Variants in USP11 observed in about 807,000 individuals in gnomAD.
USP11 encodes ubiquitin specific peptidase 11, also known as ubiquitin carboxyl-terminal hydrolase 11.
Under a neutral mutation model 72.8 loss-of-function variants are expected in USP11, and 5 were observed. That is an observed-to-expected ratio of 0.07 (90% CI 0.04 to 0.14). The LOEUF (loss-of-function observed/expected upper bound fraction) is 0.14. Among genes scored for constraint, USP11 ranks in the 10% least tolerant of loss-of-function variants. The pLI is 1.00. For missense variants in USP11, 480 were observed against 794.7 expected (o/e 0.60, Z 4.76); for synonymous variants, 368 against 326.5 (o/e 1.13, Z -1.37).
chrX:47,240,503 T>G, intron 5 of USP11, 53 bp downstream of exon 5: 1 of 1,210,257 alleles, frequency 8.3e-7, no homozygotes, highest in Non-Finnish European at 1.1e-6. Context: ...TAGACTCACC[T>G]GGCAGTACTC....
rs1246517371 is a variant in USP11, at chrX:47,241,269, C to G, written c.847-8C>G. Reference sequence around the variant, plus strand: ...CTGCCTCATTCACCTGGTCTCTGGCCTCTGCAGTGCCTCAGCAATGTGCCA... The same window carrying G: ...CTGCCTCATTCACCTGGTCTCTGGCGTCTGCAGTGCCTCAGCAATGTGCCA... On this transcript the variant is annotated splice_region_variant and splice_polypyrimidine_tract_variant and intron_variant, in intron 7 of 20. Transcript: ENST00000377107. 8.3e-7 allele frequency: 1 copy of G among 1,198,656 alleles called. No homozygotes were observed. Among genetic ancestry groups the G allele is most frequent in the Non-Finnish European group, 1.1e-6 (1 of 889,091 alleles).
chrX:47,244,684 G>A lies in USP11; in HGVS notation c.1846G>A (p.Asp616Asn), dbSNP rs771583694. The A allele has an allele frequency of 1.6e-5, 19 of 1,205,342 alleles. No homozygotes were observed. The African/African-American group carries it at 3.0e-4, about 19-fold the overall frequency. The change falls in exon 15 of 21, where the codon GAT becomes AAT. Residue 616 changes from aspartate to asparagine, a missense_variant and splice_region_variant. Asp to Asn is a conservative substitution (Grantham distance 23, BLOSUM62 1). Around this residue, in one of 5 missense-constraint regions of USP11, gnomAD observed 314 missense variants for 556.0 expected, o/e 0.56. Transcript: ENST00000377107. Reference protein sequence around the residue: ...DDEDDGDEKEDDEEDKDDVPG... With the variant: ...DDEDDGDEKENDEEDKDDVPG... The stretch of plus-strand genomic sequence containing the variant: ...TCTCTGACATCCTCCTGTCCTAGAA[G>A]ATGACGAGGAGGATAAAGATGACGT...
intron 12 of USP11, 93 bp from the exon 13 acceptor site, chrX:47,243,303 A>G (rs985696033): frequency 5.9e-6 from 5 of 841,846 alleles, no homozygotes; most frequent in Non-Finnish European, 8.4e-6. Flanking sequence ...AAATGCCTTC[A>G]GGCTGTGAGG....
rs777801380 is a variant in USP11 at position 47,242,254 on chromosome X, G to A, written c.1352G>A (p.Arg451Lys). 8.3e-7 allele frequency: 1 copy of A among 1,212,073 alleles called. No homozygotes were observed. The highest frequency in any genetic ancestry group is 2.2e-5 in the Admixed American group (1 of 46,097). Reference protein sequence around the residue: ...LSVPLPISHKRVLEVFFIPMD... With the variant: ...LSVPLPISHKKVLEVFFIPMD... ...GTTCCACTGCCTATCAGCCACAAGA[G>A]GGTCTTGGAGGTCTTCTTTATCCCC... The change falls in exon 10 of 21, where the codon AGG (arginine) becomes AAG (lysine). Residue 451 changes from arginine to lysine, a missense_variant. Arg to Lys is a conservative substitution (Grantham distance 26, BLOSUM62 2). Coordinates refer to ENST00000377107, the MANE Select transcript of USP11 (RefSeq NM_001371072.1).
intron 3 of USP11, 71 bp downstream of exon 3, chrX:47,239,552 C>G: frequency 8.5e-7 from 1 of 1,174,617 alleles, no homozygotes; most frequent in Non-Finnish European, 1.1e-6. Flanking sequence ...AGCATGGGTA[C>G]AGATCCATGT....
At chrX:47,233,315 T>G (rs1602705048) in intron 1 of USP11, 96 bp downstream of exon 1, 39 of 547,158 alleles carry the variant, frequency 7.1e-5, no homozygotes, top group African/African-American at 9.3e-5. Context: ...GGAAAGCTGC[T>G]GCGGGGTGCG....
chrX:47,240,387 C>A lies in USP11; in HGVS notation c.618C>A (p.Gly206=). The change falls in exon 5 of 21, where the codon GGC becomes GGA. Residue 206 remains glycine, a synonymous_variant. Coordinates refer to ENST00000377107, the MANE Select transcript of USP11 (RefSeq NM_001371072.1). ...DTRLWAKNSE[G]SLDRLYDTHI... Reference sequence around the variant, plus strand: ...GGCTTTGGGCCAAGAACTCAGAAGGCTCTTTGGATAGGTTGTATGACACAC... The same window carrying A: ...GGCTTTGGGCCAAGAACTCAGAAGGATCTTTGGATAGGTTGTATGACACAC... 9 of 1,211,806 alleles carry A rather than the reference C, an allele frequency of 7.4e-6. No homozygotes were observed. The highest frequency in any genetic ancestry group is 1.0e-5 in the Non-Finnish European group (9 of 895,554).
chrX:47,241,712 C>T lies in USP11; in HGVS notation c.1179+13C>T, dbSNP rs777524652. On this transcript the variant is annotated intron_variant, in intron 9 of 20. Coordinates refer to ENST00000377107, the MANE Select transcript of USP11 (RefSeq NM_001371072.1). ...GCGACCGGATCAGGTAGGCTGCCCC[C>T]GCATTTGCAGTCCAATTAACATCAC... 11 of 1,173,253 alleles carry T rather than the reference C, an allele frequency of 9.4e-6. No homozygotes were observed. The highest frequency in any genetic ancestry group is 5.3e-5 in the African/African-American group (3 of 56,102).
At chrX:47,242,586 C>A in intron 11 of USP11, 40 bp from the exon 12 acceptor site, 1 of 1,203,200 alleles carries the variant, frequency 8.3e-7, no homozygotes, top group Non-Finnish European at 1.1e-6. Context: ...CCTGGGAGGC[C>A]GTGCAGACTA....
At position 47,243,609 on chromosome X, in the gene USP11, G is replaced by C; in HGVS notation, c.1790+7G>C. The C allele has an allele frequency of 8.3e-7, 1 of 1,210,420 alleles. No individual in the cohort carries two copies. The highest frequency in any genetic ancestry group is 1.1e-6 in the Non-Finnish European group (1 of 894,566). On this transcript the variant is annotated splice_region_variant and intron_variant, in intron 13 of 20. Coordinates refer to ENST00000377107, the MANE Select transcript of USP11 (RefSeq NM_001371072.1). Reference sequence around the variant, plus strand: ...TCCTGATGTACCGGCTCTCGTAAGTGTCCTCTTCCCCGGGGGTGGGGGGCG... The same window carrying C: ...TCCTGATGTACCGGCTCTCGTAAGTCTCCTCTTCCCCGGGGGTGGGGGGCG...
At chrX:47,244,239 C>G (rs2055419772) in intron 13 of USP11, among the ~76,000 whole-genome samples, 1 of 109,229 alleles carries the variant, frequency 9.2e-6, no homozygotes, top group Non-Finnish European at 1.9e-5. Context: ...GCTGCAATTA[C>G]AGCCGCGCGC....
rs1174784692 is a variant in USP11, at chrX:47,248,283, C to T, written c.*353C>T. The T allele has an allele frequency of 2.5e-5, 5 of 203,074 alleles. No individual in the cohort carries two copies. The highest frequency in any genetic ancestry group is 4.4e-5 in the Non-Finnish European group (5 of 114,095). The allele number at this position is 203,074 out of a possible 1,213,427, so 16.7% of individuals were successfully genotyped here. A position where few individuals can be genotyped will look rare whatever the true frequency, so the allele number is the denominator to read the frequency against. ...TGTATTTTCTTATTGAGGCCCTGTA[C>T]CTTCTGCTGTGTGTGTGTATATATA... On this transcript the variant is annotated 3_prime_UTR_variant, in exon 21 of 21. Coordinates refer to ENST00000377107, the MANE Select transcript of USP11 (RefSeq NM_001371072.1).
chrX:47,239,653 GCT>G, intron 3 of USP11, 135 bp from the exon 4 acceptor site: 1 of 968,959 alleles, frequency 1.0e-6, no homozygotes. Flanking sequence ...CCCCTGTGTG[GCT>G]CTCTTTACAG....
chrX:47,246,898 G>A, intron 17 of USP11, among the ~76,000 whole-genome samples, 174 bp from the exon 18 acceptor site: 1 of 110,284 alleles, frequency 9.1e-6, no homozygotes, highest in East Asian at 2.9e-4. Context: ...GTGCATGCCT[G>A]TAATTCCAGC....
rs373410562 is a variant in USP11, at chrX:47,247,855, G to C, written c.2688G>C (p.Pro896=). 1 of 1,207,478 alleles carries C rather than the reference G, an allele frequency of 8.3e-7. No individual in the cohort carries two copies. The highest frequency in any genetic ancestry group is 1.8e-5 in the South Asian group (1 of 56,614). The change falls in exon 21 of 21, where the codon CCG becomes CCC. Residue 896 remains proline, a synonymous_variant. Coordinates refer to ENST00000377107, the MANE Select transcript of USP11 (RefSeq NM_001371072.1). ...RQDVARRLLS[P]AGSSGAPASP... ...ACGTGGCGCGACGCCTGCTGTCCCC[G>C]GCCGGCTCATCTGGCGCCCCAGCCT...
At chrX:47,239,248 C>G in intron 2 of USP11, 69 bp downstream of exon 2, 1 of 1,174,021 alleles carries the variant, frequency 8.5e-7, no homozygotes, top group Non-Finnish European at 1.1e-6. Context: ...TACAGATGAT[C>G]ATAAGCCCAT....
In USP11 at chrX:47,240,642, A is replaced by G; in HGVS notation, c.737A>G (p.His246Arg). The change falls in exon 6 of 21, where the codon CAT becomes CGT. Residue 246 changes from histidine to arginine, a missense_variant. This residue lies in a region of USP11 where 80 missense variants were observed against 100.9 expected (regional missense o/e 0.79). Transcript: ENST00000377107. The part of the protein sequence containing the change: ...KDGTWPSAQL[H>R]VMNNNMSEED... ...GGCACTTGGCCCAGCGCACAGCTGC[A>G]TGTCATGTGAGCCCTTGGGGTATCT... 3 of 1,212,188 alleles carry G rather than the reference A, an allele frequency of 2.5e-6. No individual in the cohort carries two copies. Among genetic ancestry groups the G allele is most frequent in the Non-Finnish European group, 3.3e-6 (3 of 895,598 alleles).
At position 47,248,065 on chromosome X, in the gene USP11, C is replaced by A; in HGVS notation, c.*135C>A. ...TGCAGGCTTAGTCGTGGCTACTGTT[C>A]TCCTGTGCCGCTGCATCGCTCTCTC... On this transcript the variant is annotated 3_prime_UTR_variant, in exon 21 of 21. Coordinates refer to ENST00000377107, the MANE Select transcript of USP11 (RefSeq NM_001371072.1). 1.1e-6 allele frequency: 1 copy of A among 920,522 alleles called. No homozygotes were observed. The highest frequency in any genetic ancestry group is 1.5e-6 in the Non-Finnish European group (1 of 685,896). 75.9% of individuals were successfully genotyped at this position (920,522 alleles called of 1,213,427 possible).
rs758731744 is a variant in USP11, at chrX:47,245,107, G to A, written c.2157+21G>A. 6 of 1,202,228 alleles carry A rather than the reference G, an allele frequency of 5.0e-6. No individual in the cohort carries two copies. The Admixed American group carries it at 1.1e-4, about 22-fold the overall frequency. On this transcript the variant is annotated intron_variant, in intron 16 of 20. Coordinates refer to ENST00000377107, the MANE Select transcript of USP11 (RefSeq NM_001371072.1). The stretch of plus-strand genomic sequence containing the variant: ...CTGAGGTAAATGAGATCCCAGGGAT[G>A]GGGGGTACTTCCAGCTCTTGCCCCT...
Sources: gnomAD v4.1 joint callset for allele counts (sites outside exome capture counted in the v4.1 genomes callset) on GRCh38, gnomAD v4.1.1 for gene constraint, gnomAD v4.1.1 regional missense constraint, MANE v1.5 for transcripts, NCBI Gene and HGNC (gene_info 2026-07-23, HGNC 2026-07-21) for gene names.